The following KCTD1 variants were observed in gnomAD, a reference collection of about 807,000 sequenced individuals.
KCTD1 encodes BTB/POZ domain-containing protein KCTD1.
KCTD1 carries 24 observed loss-of-function variants against 66.0 expected under a neutral mutation model. The ratio of observed to expected loss-of-function variants is 0.36; its 90% confidence interval spans 0.26 to 0.51. The LOEUF is 0.51. Ranked by LOEUF, KCTD1 falls within the 20% of genes least tolerant of loss-of-function variation. The pLI is 0.95. For missense variants in KCTD1, 943 were observed against 1,205.2 expected, an observed-to-expected ratio of 0.78 and a Z score of 3.22; for synonymous variants, 511 against 517.2, an observed-to-expected ratio of 0.99 and a Z score of 0.16.
intron 1 of KCTD1, among the ~76,000 whole-genome samples, chr18:26,622,803 G>GCA (rs1478029460): frequency 6.6e-6 from 1 of 152,072 alleles, no homozygotes; most frequent in Non-Finnish European, 1.5e-5. Flanking sequence ...CTCTGGGGCT[G>GCA]CAGAGGGTGC....
At chr18:26,595,798 G>A (rs1181758467) in intron 1 of KCTD1, among the ~76,000 whole-genome samples, 1 of 152,184 alleles carries the variant, frequency 6.6e-6, no homozygotes, top group Non-Finnish European at 1.5e-5. Flanking sequence ...CCAGCACTTT[G>A]GGAGTCCAAG....
intron 1 of KCTD1, among the ~76,000 whole-genome samples, chr18:26,578,048 C>A: frequency 7.3e-6 from 1 of 136,780 alleles, no homozygotes; most frequent in Admixed American, 7.7e-5. Flanking sequence ...CTTTTCTTTT[C>A]TTTTCTTTCT....
At chr18:26,463,338 C>T (rs909494275) in intron 3 of KCTD1, among the ~76,000 whole-genome samples, 29 of 151,952 alleles carry the variant, frequency 1.9e-4, no homozygotes, top group African/African-American at 7.0e-4. Flanking sequence ...GGCCTGTGGT[C>T]CCAGCTAAGT....
chr18:26,572,204 C>T (rs959740538), intron 1 of KCTD1, among the ~76,000 whole-genome samples: 8 of 151,820 alleles, frequency 5.3e-5, no homozygotes, highest in South Asian at 2.1e-4. Context: ...GGACTACAGG[C>T]GCGCACCACC....
chr18:26,639,245 G>A (rs530950747), intron 1 of KCTD1, among the ~76,000 whole-genome samples: 79 of 152,322 alleles, frequency 5.2e-4, no homozygotes, highest in Non-Finnish European at 9.4e-4. Context: ...AAGAGAAGAC[G>A]ATGCAGGACA....
intron 1 of KCTD1, among the ~76,000 whole-genome samples, chr18:26,522,265 G>A (rs1288456143): frequency 6.6e-6 from 1 of 152,210 alleles, no homozygotes; most frequent in Non-Finnish European, 1.5e-5. Context: ...TTATAGAAAG[G>A]GGAAACTTGG....
intron 1 of KCTD1, among the ~76,000 whole-genome samples, chr18:26,542,809 G>A (rs1397217729): frequency 1.3e-5 from 2 of 152,126 alleles, no homozygotes; most frequent in Non-Finnish European, 2.9e-5. Flanking sequence ...TGTTTCATGG[G>A]TCAGCTTGAG....
chr18:26,461,631 TC>T (rs1980431909), intron 3 of KCTD1, among the ~76,000 whole-genome samples: 1 of 152,224 alleles, frequency 6.6e-6, no homozygotes, highest in Non-Finnish European at 1.5e-5. Flanking sequence ...GGATCCCCAC[TC>T]TGGGGCTTTG....
intron 1 of KCTD1, among the ~76,000 whole-genome samples, chr18:26,585,098 G>A (rs533857507): frequency 2.0e-5 from 3 of 152,104 alleles, no homozygotes; most frequent in East Asian, 1.9e-4. Flanking sequence ...GCTGCCCCCC[G>A]ATACCAGGCT....
At chr18:26,624,696 G>A (rs1987461352) in intron 1 of KCTD1, among the ~76,000 whole-genome samples, 1 of 152,268 alleles carries the variant, frequency 6.6e-6, no homozygotes, top group Non-Finnish European at 1.5e-5. Flanking sequence ...GTGGGAGGGA[G>A]ATGTGGGGTC....
chr18:26,637,631 C>G (rs906085712), intron 1 of KCTD1, among the ~76,000 whole-genome samples: 1 of 152,162 alleles, frequency 6.6e-6, no homozygotes, highest in Non-Finnish European at 1.5e-5. Flanking sequence ...TGGGATGAGG[C>G]CTGTTTCTTG....
chr18:26,536,836 G>A (rs773103219), intron 1 of KCTD1, among the ~76,000 whole-genome samples: 7 of 151,760 alleles, frequency 4.6e-5, no homozygotes, highest in South Asian at 2.1e-4. Flanking sequence ...CTTGGCTCAC[G>A]TCCCAAGAGG....
At chr18:26,496,671 C>A (rs1203834279) in intron 2 of KCTD1, among the ~76,000 whole-genome samples, 1 of 151,730 alleles carries the variant, frequency 6.6e-6, no homozygotes, top group Admixed American at 6.6e-5. Context: ...AGTGGCTAAC[C>A]TTGAGGTGTA....
chr18:26,507,924 T>G (rs908997968), intron 1 of KCTD1, among the ~76,000 whole-genome samples: 1 of 152,152 alleles, frequency 6.6e-6, no homozygotes, highest in African/African-American at 2.4e-5. Context: ...GTGACACAGT[T>G]GTATACATAC....
intron 1 of KCTD1, among the ~76,000 whole-genome samples, chr18:26,634,803 CT>C (rs1040787256): frequency 2.6e-5 from 4 of 152,142 alleles, no homozygotes; most frequent in African/African-American, 9.7e-5. Context: ...GCTTAATTGA[CT>C]TCCCCAAATG....
Position 26,607,724 on chromosome 18 carries a change from A to G in KCTD1, c.-16+21423T>C, listed in dbSNP as rs529009491. Among the ~76,000 whole-genome samples the G allele has an allele frequency of 9.9e-5, 15 of 152,278 alleles. No homozygotes were observed. The South Asian group carries it at 3.1e-3, about 32-fold the overall frequency. Reference sequence around the variant, plus strand: ...CATTGATTGGTAATTTCCCGTATTGAACAGTCATGTTACTCCTTGAAGTTT... The same window carrying G: ...CATTGATTGGTAATTTCCCGTATTGGACAGTCATGTTACTCCTTGAAGTTT... On this transcript the variant is annotated intron_variant, in intron 1 of 4. Coordinates refer to the KCTD1 transcript ENST00000317932.
chr18:26,569,848 T>C (rs1567996773), intron 1 of KCTD1, among the ~76,000 whole-genome samples: 1 of 152,180 alleles, frequency 6.6e-6, no homozygotes, highest in Non-Finnish European at 1.5e-5. Flanking sequence ...GAATAATACA[T>C]TGTCTGAGAA....
chr18:26,586,752 T>C (rs1299332871), intron 1 of KCTD1, among the ~76,000 whole-genome samples: 1 of 151,898 alleles, frequency 6.6e-6, no homozygotes, highest in Non-Finnish European at 1.5e-5. Flanking sequence ...GGATGGAAGA[T>C]CAAACCAGCC....
chr18:26,563,593 C>T (rs551800615), intron 1 of KCTD1, among the ~76,000 whole-genome samples: 1 of 152,320 alleles, frequency 6.6e-6, no homozygotes. Context: ...CTGGGCTTCC[C>T]TCTCTGTGAA....
Sources: gnomAD v4.1 joint callset for allele counts (sites outside exome capture counted in the v4.1 genomes callset) on GRCh38, gnomAD v4.1.1 for gene constraint, MANE v1.5 for transcripts, NCBI Gene and HGNC (gene_info 2026-07-23, HGNC 2026-07-21) for gene names.